The following LTBP2 variants were observed in gnomAD, a reference collection of about 807,000 sequenced individuals.
The protein encoded by LTBP2 is latent-transforming growth factor beta-binding protein 2.
LTBP2 carries 103 observed loss-of-function variants against 210.6 expected under a neutral mutation model. That is an observed-to-expected ratio of 0.49 (90% CI 0.42 to 0.58). LTBP2 has a LOEUF of 0.58. LTBP2 is among the 20% of genes least tolerant of loss of function. LTBP2 has a pLI of 0.00. For missense variants in LTBP2, 2,313 were observed against 2,494.5 expected, an observed-to-expected ratio of 0.93 and a Z score of 1.55; for synonymous variants, 1,007 against 1,015.0, an observed-to-expected ratio of 0.99 and a Z score of 0.15.
At chr14:74,507,030 A>G in intron 26 of LTBP2, 149 bp downstream of exon 26, 1 of 1,536,072 alleles carries the variant, frequency 6.5e-7, no homozygotes, top group African/African-American at 1.4e-5. Flanking sequence ...GTCCTGTGGC[A>G]TCTTTCATAA....
intron 4 of LTBP2, among the ~76,000 whole-genome samples, chr14:74,553,794 C>A (rs917226300): frequency 3.3e-5 from 5 of 151,952 alleles, no homozygotes; most frequent in African/African-American, 1.2e-4. Flanking sequence ...TACGGGGAGC[C>A]TGGGGACAGA....
At chr14:74,529,794 A>C (rs1199011387) in intron 10 of LTBP2, among the ~76,000 whole-genome samples, 1 of 152,234 alleles carries the variant, frequency 6.6e-6, no homozygotes, top group Non-Finnish European at 1.5e-5. Flanking sequence ...GAAAATAAAT[A>C]TTAAAGAATA....
chr14:74,506,080 T>C lies in LTBP2; in HGVS notation c.4145A>G (p.Gln1382Arg). 1 of 1,614,140 alleles carries C rather than the reference T, an allele frequency of 6.2e-7. No homozygotes were observed. Among genetic ancestry groups the C allele is most frequent in the Non-Finnish European group, 8.5e-7 (1 of 1,180,018 alleles). ...CASDLEEYDA[Q>R]EGHCRPRGAG... ...CCCCCGTGGGCGGCAGTGCCCCTCC[T>C]GGGCATCGTACTCCTCCAGGTCACT... Residue 1382 changes from glutamine (Q) to arginine (R), a missense_variant, in exon 28 of 36, where the codon CAG (glutamine) becomes CGG (arginine). Gln to Arg is a conservative substitution (Grantham distance 43). This residue lies in a region of LTBP2 where 1,867 missense variants were observed against 1,976.9 expected (regional missense o/e 0.94). Coordinates refer to ENST00000261978, the MANE Select transcript of LTBP2 (RefSeq NM_000428.3).
At chr14:74,560,339 C>G (rs990394157) in intron 3 of LTBP2, among the ~76,000 whole-genome samples, 5 of 152,158 alleles carry the variant, frequency 3.3e-5, no homozygotes, top group African/African-American at 1.2e-4. Flanking sequence ...CAGGCCAGCA[C>G]AGAGCCAAGA....
chr14:74,525,799 G>A (rs1388602381), intron 14 of LTBP2, among the ~76,000 whole-genome samples: 1 of 152,200 alleles, frequency 6.6e-6, no homozygotes, highest in African/African-American at 2.4e-5. Context: ...CTGTCTCTTT[G>A]TTCTGATTTA....
At position 74,503,933 on chromosome 14, in the gene LTBP2, C is replaced by T. The variant is rs780475891; in HGVS notation, c.4575G>A (p.Lys1525=). ...PGFHYDASHK[K]CEDHDECQDL... ...GATCATGTGTGTCCTTACCCTCACA[C>T]TTCTTGTGGGAAGCATCGTAGTGGA... The change falls in exon 31 of 36, where the codon AAG becomes AAA. Residue 1525 remains lysine (K), a synonymous_variant. Coordinates refer to ENST00000261978, the MANE Select transcript of LTBP2 (RefSeq NM_000428.3). The T allele has an allele frequency of 1.1e-5, 17 of 1,613,958 alleles. 1 individual carries two copies. In the Admixed American group the frequency reaches 2.5e-4, roughly 24 times the overall value.
intron 15 of LTBP2, among the ~76,000 whole-genome samples, chr14:74,523,987 C>T (rs961587313): frequency 5.3e-5 from 8 of 152,116 alleles, no homozygotes; most frequent in African/African-American, 1.9e-4. Context: ...TTGTGGGGGC[C>T]CTCAGCTGGG....
chr14:74,584,741 T>C (rs890361804), intron 3 of LTBP2, among the ~76,000 whole-genome samples: 9 of 152,128 alleles, frequency 5.9e-5, no homozygotes, highest in African/African-American at 2.2e-4. Flanking sequence ...CTAGCTGCCC[T>C]TGGAAAACAT....
At chr14:74,557,936 C>T (rs1279243338) in intron 3 of LTBP2, among the ~76,000 whole-genome samples, 5 of 152,214 alleles carry the variant, frequency 3.3e-5, no homozygotes, top group African/African-American at 9.6e-5. Context: ...GCTCAGGCCT[C>T]GGGGGCATCC....
intron 3 of LTBP2, among the ~76,000 whole-genome samples, chr14:74,574,891 G>A (rs1444524853): frequency 6.6e-6 from 1 of 152,226 alleles, no homozygotes; most frequent in Non-Finnish European, 1.5e-5. Flanking sequence ...TGTGTAGAAA[G>A]CAGACACCAT....
chr14:74,505,997 C>T (rs775309552), intron 28 of LTBP2, 51 bp downstream of exon 28: 3 of 1,611,640 alleles, frequency 1.9e-6, no homozygotes, highest in Admixed American at 1.7e-5. Flanking sequence ...GAGGGACACG[C>T]TCTCTGTAAA....
Position 74,529,076 on chromosome 14 carries a change from C to T in LTBP2, c.2034G>A (p.Leu678=), listed in dbSNP as rs1277024584. The T allele has an allele frequency of 6.4e-7, 1 of 1,556,884 alleles. No individual in the cohort carries two copies. The highest frequency in any genetic ancestry group is 2.4e-5 in the East Asian group (1 of 41,430). The change falls in exon 11 of 36, where the codon CTG becomes CTA. Residue 678 remains leucine (L), a synonymous_variant. Coordinates refer to ENST00000261978, the MANE Select transcript of LTBP2 (RefSeq NM_000428.3). The stretch of plus-strand genomic sequence containing the variant: ...AAGGCAGGGTGCAGGTGCCGGGCCC[C>T]AGCGACCGGTAGCACAGTCCCTGCA... ...SMLQGLCYRS[L]GPGTCTLPLA... is the part of the protein sequence containing the mutation.
chr14:74,504,854 G>A lies in LTBP2; in HGVS notation c.4377C>T (p.Phe1459=), dbSNP rs1322718163. Reference sequence around the variant, plus strand: ...CTTTTCCACTAGGGCAGATCTCGCTGAATTCAGCTATGTAGAGAGGCGTTT... The same window carrying A: ...CTTTTCCACTAGGGCAGATCTCGCTAAATTCAGCTATGTAGAGAGGCGTTT... The part of the protein sequence containing the change: ...DLCPSEDSAE[F]SEICPSGKGY... Residue 1459 remains phenylalanine, a synonymous_variant, in exon 30 of 36, where the codon TTC becomes TTT. Coordinates refer to ENST00000261978, the MANE Select transcript of LTBP2 (RefSeq NM_000428.3). 6.2e-7 allele frequency: 1 copy of A among 1,614,242 alleles called. No homozygotes were observed. The highest frequency in any genetic ancestry group is 1.1e-5 in the South Asian group (1 of 91,086).
At chr14:74,516,969 C>G in intron 17 of LTBP2, 28 bp from the exon 18 acceptor site, 1 of 1,549,270 alleles carries the variant, frequency 6.5e-7, no homozygotes, top group Non-Finnish European at 8.7e-7. Context: ...AGCCCTGAGT[C>G]ACAGCCAGCC....
chr14:74,599,587 G>T (rs2088416845), intron 2 of LTBP2, among the ~76,000 whole-genome samples: 1 of 152,236 alleles, frequency 6.6e-6, no homozygotes, highest in Non-Finnish European at 1.5e-5. Context: ...TAAGTCCCGA[G>T]AGAGAGCTGG....
chr14:74,498,517 CTA>C lies in LTBP2; in HGVS notation c.*2365_*2366del, dbSNP rs1439633468. ...AGCTGTAAAATGAAATGAGGCAGCT[CTA>C]ATTGCAAGTATAAAAAAAAAGCAAA... On this transcript the variant is annotated 3_prime_UTR_variant, in exon 36 of 36. Coordinates refer to ENST00000261978, the MANE Select transcript of LTBP2 (RefSeq NM_000428.3). 1 of 222,782 alleles carries C rather than the reference CTA, an allele frequency of 4.5e-6. No homozygotes were observed. The highest frequency in any genetic ancestry group is 9.0e-6 in the Non-Finnish European group (1 of 111,636). The allele number at this position is 222,782 out of a possible 1,614,324, so 13.8% of individuals were successfully genotyped here.
intron 8 of LTBP2, among the ~76,000 whole-genome samples, chr14:74,540,816 A>AT (rs2087488021): frequency 2.2e-4 from 4 of 17,870 alleles, no homozygotes; most frequent in African/African-American, 3.0e-4. Context: ...TATAATATAT[A>AT]TATATTTTTA....
chr14:74,506,670 G>A, intron 27 of LTBP2, 28 bp downstream of exon 27: 1 of 1,611,706 alleles, frequency 6.2e-7, no homozygotes, highest in Non-Finnish European at 8.5e-7. Flanking sequence ...CCCTGGCCCA[G>A]ACCTTGGGTA....
intron 3 of LTBP2, chr14:74,559,740 T>A (rs893494564): frequency 6.6e-6 from 1 of 152,238 alleles, no homozygotes; most frequent in Non-Finnish European, 1.5e-5. Context: ...TTTAGCCAAA[T>A]CCTGTTTGCA....
Sources: gnomAD v4.1 joint callset for allele counts (sites outside exome capture counted in the v4.1 genomes callset) on GRCh38, gnomAD v4.1.1 for gene constraint, gnomAD v4.1.1 regional missense constraint, MANE v1.5 for transcripts, NCBI Gene and HGNC (gene_info 2026-07-23, HGNC 2026-07-21) for gene names.